The following SLC39A12 variants were observed in gnomAD, a reference collection of about 807,000 sequenced individuals.
SLC39A12 encodes solute carrier family 39 member 12.
A neutral mutation model predicts 71.1 loss-of-function variants in SLC39A12; 63 were observed. The observed-to-expected ratio is 0.89, with a 90% CI of 0.72 to 1.09. The LOEUF (loss-of-function observed/expected upper bound fraction) is 1.09, where lower values mean the gene tolerates loss of function less well. SLC39A12 is among the 50% of genes least tolerant of loss of function. SLC39A12 has a pLI of 0.00. For synonymous variants in SLC39A12, 351 were observed against 301.3 expected (o/e 1.16, Z -1.71); for missense variants, 892 against 812.6 (o/e 1.10, Z -1.19).
intron 12 of SLC39A12, among the ~76,000 whole-genome samples, chr10:18,013,128 A>G (rs1484295203): frequency 2.0e-5 from 3 of 151,254 alleles, no homozygotes; most frequent in African/African-American, 4.8e-5. Flanking sequence ...TATAATCTTT[A>G]TATTATAATA....
chr10:18,027,532 A>T (rs2357783), intron 12 of SLC39A12, among the ~76,000 whole-genome samples: 90,220 of 152,082 alleles, frequency 0.59, 27,859 homozygotes, highest in Non-Finnish European at 0.68. Context: ...GGGCCTTTTA[A>T]GATTGGGTCT....
Position 18,000,934 on chromosome 10 carries a change from T to C in SLC39A12, c.1759+109T>C, listed in dbSNP as rs553266291. ...TTCTAACCTATGACTTAAAGATGAA[T>C]ACTTTCCTTTTATAATTTATTTAAA... On this transcript the variant is annotated intron_variant, in intron 11 of 12. Transcript: ENST00000377369. The C allele has an allele frequency of 4.6e-5, 47 of 1,030,928 alleles. No individual in the cohort carries two copies. In the East Asian group the frequency reaches 1.2e-3, roughly 26 times the overall value. 63.9% of individuals were successfully genotyped at this position (1,030,928 alleles called of 1,614,324 possible).
rs189709672 is a variant in SLC39A12 at position 18,039,095 on chromosome 10, C to G, written c.1948-3610C>G. Among the ~76,000 whole-genome samples, 416 of 152,310 alleles carry G rather than the reference C, an allele frequency of 2.7e-3. 1 individual carries two copies. The highest frequency in any genetic ancestry group is 3.4e-3 in the Non-Finnish European group (229 of 68,018). Reference sequence around the variant, plus strand: ...GCAAACAAAACCTTTCCAGAAAACACTTCTACTGTGTACTTTACCAAAGAC... The same window carrying G: ...GCAAACAAAACCTTTCCAGAAAACAGTTCTACTGTGTACTTTACCAAAGAC... On this transcript the variant is annotated intron_variant, in intron 12 of 12. Transcript: ENST00000377369.
At position 18,042,618 on chromosome 10, in the gene SLC39A12, A is replaced by G. The variant is rs537215405; in HGVS notation, c.1948-87A>G. 773 of 1,364,064 alleles carry G rather than the reference A, an allele frequency of 5.7e-4. 1 individual carries two copies. The highest frequency in any genetic ancestry group is 3.9e-3 in the Middle Eastern group (21 of 5,322). 84.5% of individuals were successfully genotyped at this position (1,364,064 alleles called of 1,614,324 possible). On this transcript the variant is annotated intron_variant, in intron 12 of 12. Coordinates refer to ENST00000377369, the MANE Select transcript of SLC39A12 (RefSeq NM_001145195.2). ...AATTTTAAAGGTTATTAAGTTCTGA[A>G]TAACAGTCGCTCATGTTTTCCCACC...
chr10:17,985,640 A>G (rs1029891870), intron 6 of SLC39A12, among the ~76,000 whole-genome samples: 7 of 152,148 alleles, frequency 4.6e-5, no homozygotes, highest in African/African-American at 1.7e-4. Context: ...AGAAATAAGC[A>G]TTTGCTTTGA....
chr10:18,000,214 C>T (rs539574795), intron 10 of SLC39A12, among the ~76,000 whole-genome samples: 28 of 152,268 alleles, frequency 1.8e-4, no homozygotes, highest in Admixed American at 8.5e-4. Context: ...ATCCCAAAGG[C>T]CCTACCTCCT....
chr10:17,996,075 T>C (rs2130833443), intron 10 of SLC39A12, among the ~76,000 whole-genome samples: 1 of 152,340 alleles, frequency 6.6e-6, no homozygotes, highest in East Asian at 1.9e-4. Context: ...GAAGTATGGA[T>C]ATATCATTGT....
intron 3 of SLC39A12, among the ~76,000 whole-genome samples, chr10:17,964,088 C>T (rs1173909899): frequency 2.6e-5 from 4 of 152,094 alleles, no homozygotes; most frequent in Non-Finnish European, 5.9e-5. Flanking sequence ...GGAGGCTGGG[C>T]GTTCCTGACC....
intron 4 of SLC39A12, among the ~76,000 whole-genome samples, chr10:17,974,884 G>A (rs1252400888): frequency 3.9e-5 from 6 of 152,252 alleles, no homozygotes; most frequent in African/African-American, 1.4e-4. Context: ...CAGGTCCAGA[G>A]GTGCCATACA....
chr10:18,026,655 A>T (rs1258164951), intron 12 of SLC39A12, among the ~76,000 whole-genome samples: 1 of 151,954 alleles, frequency 6.6e-6, no homozygotes, highest in Non-Finnish European at 1.5e-5. Context: ...CTAATATGTT[A>T]TGCCTTTTGT....
At chr10:18,022,408 T>A (rs1050582154) in intron 12 of SLC39A12, among the ~76,000 whole-genome samples, 1 of 152,198 alleles carries the variant, frequency 6.6e-6, no homozygotes, top group Non-Finnish European at 1.5e-5. Context: ...TTTCCTCATC[T>A]TGGTCTGTTC....
chr10:17,992,475 T>C (rs1835579439), intron 8 of SLC39A12, among the ~76,000 whole-genome samples: 1 of 152,230 alleles, frequency 6.6e-6, no homozygotes, highest in Non-Finnish European at 1.5e-5. Flanking sequence ...AAATTAGGAA[T>C]GCCAATTTCT....
chr10:18,036,836 C>T (rs1166926945), intron 12 of SLC39A12, among the ~76,000 whole-genome samples: 9 of 136,704 alleles, frequency 6.6e-5, no homozygotes, highest in Admixed American at 1.6e-4. Flanking sequence ...GCCTAGCCTG[C>T]GGTGCAGTGG....
intron 12 of SLC39A12, among the ~76,000 whole-genome samples, chr10:18,015,112 A>T (rs981454823): frequency 6.6e-6 from 1 of 152,154 alleles, no homozygotes; most frequent in African/African-American, 2.4e-5. Flanking sequence ...CTCATAGATG[A>T]GTTTTTCAGT....
rs1034655304 is a variant in SLC39A12 at position 17,986,226 on chromosome 10, C to A, written c.1097-1253C>A. On this transcript the variant is annotated intron_variant, in intron 6 of 12. Transcript: ENST00000377369. ...AGTTTCAAGTGAGAGAAATTTATTT[C>A]TTTGAGGGTTGGAGGTGAGCTCAGT... Among the ~76,000 whole-genome samples the A allele has an allele frequency of 3.7e-4, 56 of 152,122 alleles. 1 individual carries two copies. Among genetic ancestry groups the A allele is most frequent in the Admixed American group, 3.7e-3 (56 of 15,270 alleles).
intron 12 of SLC39A12, among the ~76,000 whole-genome samples, chr10:18,026,658 C>A (rs1836686195): frequency 6.6e-6 from 1 of 151,856 alleles, no homozygotes; most frequent in East Asian, 1.9e-4. Context: ...ATATGTTATG[C>A]CTTTTGTAGT....
intron 8 of SLC39A12, among the ~76,000 whole-genome samples, chr10:17,992,576 C>T (rs1323592644): frequency 2.6e-5 from 4 of 152,178 alleles, no homozygotes; most frequent in African/African-American, 9.7e-5. Context: ...CAAATCCCCA[C>T]TTATACCCAA....
chr10:17,980,930 A>G (rs1001754259), intron 5 of SLC39A12, among the ~76,000 whole-genome samples: 5 of 152,208 alleles, frequency 3.3e-5, no homozygotes, highest in African/African-American at 9.6e-5. Flanking sequence ...ACTTCTGTTT[A>G]TTGTATGAAG....
chr10:18,033,086 A>C (rs1836896806), intron 12 of SLC39A12, among the ~76,000 whole-genome samples: 1 of 149,518 alleles, frequency 6.7e-6, no homozygotes, highest in Non-Finnish European at 1.5e-5. Flanking sequence ...ATCAATGTTC[A>C]TCAAGGATAT....
Sources: gnomAD v4.1 joint callset for allele counts (sites outside exome capture counted in the v4.1 genomes callset) on GRCh38, gnomAD v4.1.1 for gene constraint, MANE v1.5 for transcripts, NCBI Gene and HGNC (gene_info 2026-07-23, HGNC 2026-07-21) for gene names.